Variants in SPATA6L observed in about 807,000 individuals in gnomAD.
SPATA6L encodes the protein spermatogenesis associated 6-like protein.
A neutral mutation model predicts 49.2 loss-of-function variants in SPATA6L; 68 were observed. The observed-to-expected ratio is 1.38, with a 90% CI of 1.14 to 1.69. The LOEUF (loss-of-function observed/expected upper bound fraction) is 1.69, where lower values mean the gene tolerates loss of function less well. SPATA6L is among the 40% of genes most tolerant of loss of function. SPATA6L has a pLI of 0.00. For synonymous variants in SPATA6L, 198 were observed against 165.7 expected (o/e 1.19, Z -1.50); for missense variants, 668 against 464.3 (o/e 1.44, Z -4.03).
At position 4,650,667 on chromosome 9, in the gene SPATA6L, T is replaced by C. The variant is rs73393889; in HGVS notation, c.226+5374A>G. ...GATTTTACAGAAATAATTTTTTGTT[T>C]GTTTGTTTTTGAGACGGAGTCTTGC... On this transcript the variant is annotated intron_variant, in intron 3 of 11. Coordinates refer to ENST00000682582, the MANE Select transcript of SPATA6L (RefSeq NM_001353486.2). 7.9e-3 allele frequency among the ~76,000 whole-genome samples: 1,206 copies of C among 152,260 alleles called. 8 individuals carry two copies. Among genetic ancestry groups the C allele is most frequent in the African/African-American group, 0.027 (1,131 of 41,538 alleles).
chr9:4,635,434 A>T, intron 3 of SPATA6L, 35 bp from the exon 4 acceptor site: 2 of 1,563,576 alleles, frequency 1.3e-6, no homozygotes, highest in Non-Finnish European at 1.7e-6. Flanking sequence ...AAATATCTGT[A>T]TTTACACCTC....
At chr9:4,627,819 T>C (rs759505465) in intron 5 of SPATA6L, 1 of 1,289,234 alleles carries the variant, frequency 7.8e-7, no homozygotes, top group South Asian at 1.2e-5. Context: ...CCATGTTTAC[T>C]GCAGCACTAT....
intron 3 of SPATA6L, among the ~76,000 whole-genome samples, chr9:4,643,313 A>G (rs1408110760): frequency 6.6e-6 from 1 of 152,142 alleles, no homozygotes; most frequent in African/African-American, 2.4e-5. Flanking sequence ...TTGCAAACAC[A>G]ACAAATCCAA....
intron 8 of SPATA6L, among the ~76,000 whole-genome samples, chr9:4,618,313 CA>C (rs1303351348): frequency 6.6e-6 from 1 of 151,822 alleles, no homozygotes; most frequent in Non-Finnish European, 1.5e-5. Context: ...TAAAAATAAC[CA>C]AAAGTCTGTA....
At chr9:4,655,426 G>A (rs575970110) in intron 3 of SPATA6L, among the ~76,000 whole-genome samples, 16 of 152,274 alleles carry the variant, frequency 1.1e-4, no homozygotes, top group East Asian at 1.9e-4. Flanking sequence ...GCATAGGGCC[G>A]CTTTTTGTGG....
chr9:4,592,081 G>A (rs1183032611), intron 13 of SPATA6L, among the ~76,000 whole-genome samples: 5 of 152,138 alleles, frequency 3.3e-5, no homozygotes, highest in South Asian at 2.1e-4. Flanking sequence ...TTGGGAGGCC[G>A]AGGCGGGTGG....
At chr9:4,657,296 T>G (rs943481376) in intron 2 of SPATA6L, among the ~76,000 whole-genome samples, 1 of 152,244 alleles carries the variant, frequency 6.6e-6, no homozygotes, top group Non-Finnish European at 1.5e-5. Flanking sequence ...GGGGTTTTTT[T>G]GCCTAAATTA....
At chr9:4,590,960 C>A (rs564133458) in intron 13 of SPATA6L, among the ~76,000 whole-genome samples, 1 of 152,122 alleles carries the variant, frequency 6.6e-6, no homozygotes, top group African/African-American at 2.4e-5. Flanking sequence ...CGCTTCGGGG[C>A]ACTTGAGGGA....
chr9:4,620,625 C>A (rs2130388424), intron 7 of SPATA6L, among the ~76,000 whole-genome samples: 1 of 152,268 alleles, frequency 6.6e-6, no homozygotes, highest in East Asian at 1.9e-4. Context: ...ACAGGGATTC[C>A]AAGGATCTGA....
At chr9:4,634,078 T>A (rs1832247411) in intron 4 of SPATA6L, among the ~76,000 whole-genome samples, 1 of 152,174 alleles carries the variant, frequency 6.6e-6, no homozygotes, top group South Asian at 2.1e-4. Flanking sequence ...AGATAACACT[T>A]AAGAAAATAT....
At chr9:4,626,862 A>T in intron 5 of SPATA6L, 2 of 197,562 alleles carry the variant, frequency 1.0e-5, no homozygotes, top group South Asian at 2.0e-4. Context: ...AAATTAAGTA[A>T]AAAAAAGAAG....
At chr9:4,641,227 T>C (rs1293017536) in intron 3 of SPATA6L, among the ~76,000 whole-genome samples, 1 of 152,104 alleles carries the variant, frequency 6.6e-6, no homozygotes, top group African/African-American at 2.4e-5. Context: ...AAATACTAAA[T>C]ATATTCGTGT....
intron 8 of SPATA6L, 130 bp from the exon 9 acceptor site, chr9:4,618,240 G>C (rs1828469715): frequency 1.5e-6 from 1 of 667,362 alleles, no homozygotes; most frequent in Non-Finnish European, 2.4e-6. Context: ...GGGATCTCCT[G>C]CAAATAGAAG....
In SPATA6L at chr9:4,662,033, A is replaced by C. The variant is rs1839909784; in HGVS notation, c.43T>G (p.Ser15Ala). 2 of 1,613,130 alleles carry C rather than the reference A, an allele frequency of 1.2e-6. No individual in the cohort carries two copies. Among genetic ancestry groups the C allele is most frequent in the Non-Finnish European group, 1.7e-6 (2 of 1,179,686 alleles). ...CCAGGCAGGAACACTCCTGGGCAAG[A>C]AATCTTAAAAAGAAAGAAAACAACA... ...VVVELQIRAI[S>A]CPGVFLPGKQ... The change falls in exon 2 of 12, where the codon TCT becomes GCT. Residue 15 changes from serine to alanine, a missense_variant. Coordinates refer to ENST00000682582, the MANE Select transcript of SPATA6L (RefSeq NM_001353486.2). This position sits in a 1 kb window ranked among gnomAD's most constrained non-coding sequence, Gnocchi z 4.9.
At chr9:4,639,118 T>C (rs1010978895) in intron 3 of SPATA6L, among the ~76,000 whole-genome samples, 21 of 152,190 alleles carry the variant, frequency 1.4e-4, no homozygotes, top group African/African-American at 4.8e-4. Flanking sequence ...GACAAAGCCA[T>C]GTAGAATGCA....
intron 11 of SPATA6L, among the ~76,000 whole-genome samples, chr9:4,602,722 T>C (rs1205461296): frequency 6.6e-6 from 1 of 152,134 alleles, no homozygotes; most frequent in Non-Finnish European, 1.5e-5. Flanking sequence ...TGGGGAGACA[T>C]GGATTTCCAT....
At chr9:4,632,579 G>A (rs10974680) in intron 4 of SPATA6L, among the ~76,000 whole-genome samples, 9,295 of 145,740 alleles carry the variant, frequency 0.064, 465 homozygotes, top group Admixed American at 0.15. Flanking sequence ...CTGGGCAACA[G>A]AGCAAGACTC....
chr9:4,629,755 A>ATGTGTGTGTGTGTG (rs370931784), intron 4 of SPATA6L, among the ~76,000 whole-genome samples: 9 of 125,432 alleles, frequency 7.2e-5, no homozygotes, highest in African/African-American at 3.0e-4. Context: ...TGTTTTATAT[A>ATGTGTGTGTGTGTG]TGTGTGTGTG....
At chr9:4,623,376 G>A (rs1166092648) in intron 6 of SPATA6L, among the ~76,000 whole-genome samples, 1 of 152,014 alleles carries the variant, frequency 6.6e-6, no homozygotes, top group Admixed American at 6.6e-5. Flanking sequence ...AGGAAAAATT[G>A]GGTAACATGA....
Sources: gnomAD v4.1 joint callset for allele counts (sites outside exome capture counted in the v4.1 genomes callset) on GRCh38, gnomAD v4.1.1 for gene constraint, Gnocchi (gnomAD v3.1) non-coding constraint, MANE v1.5 for transcripts, NCBI Gene and HGNC (gene_info 2026-07-23, HGNC 2026-07-21) for gene names.